SH3BGRL2: variants seen among roughly 807,000 people sequenced by gnomAD.
The protein encoded by SH3BGRL2 is SH3 domain binding glutamate rich protein like 2.
In SH3BGRL2, 21 loss-of-function variants were observed where a neutral mutation model predicts 14.8. The observed-to-expected ratio is 1.42, with a 90% CI of 1.01 to 2.05. The LOEUF is 2.05. Among genes scored for constraint, SH3BGRL2 ranks in the 30% most tolerant of loss-of-function variants. The pLI, the probability that SH3BGRL2 is intolerant of heterozygous loss-of-function variation, is 0.00. For missense variants in SH3BGRL2, 147 were observed against 130.8 expected (o/e 1.12, Z -0.61); for synonymous variants, 50 against 47.8 (o/e 1.05, Z -0.19).
At chr6:79,579,922 A>G in the SH3BGRL2 span, among the ~76,000 whole-genome samples, 435 of 152,356 alleles carry the variant, frequency 2.9e-3, 2 homozygotes, top group African/African-American at 9.6e-3. Context: ...GCAGAGACAC[A>G]TGTAAGCTCA....
chr6:79,596,911 C>T, the SH3BGRL2 span, among the ~76,000 whole-genome samples: 3 of 152,074 alleles, frequency 2.0e-5, no homozygotes, highest in East Asian at 5.8e-4. Context: ...CTGCAGTAGT[C>T]AAAACAGTTT....
the SH3BGRL2 span, among the ~76,000 whole-genome samples, chr6:79,566,394 AT>A: frequency 4.4e-3 from 668 of 152,242 alleles, 9 homozygotes; most frequent in African/African-American, 0.015. Context: ...CCCCACTATG[AT>A]TTTAGCTTTT....
intron 1 of SH3BGRL2, among the ~76,000 whole-genome samples, chr6:79,666,094 G>A (rs189027478): frequency 1.3e-5 from 2 of 152,264 alleles, no homozygotes; most frequent in African/African-American, 2.4e-5. Context: ...GTGTTCATTT[G>A]CAAGTAACAG....
chr6:79,623,293 C>A, the SH3BGRL2 span, among the ~76,000 whole-genome samples: 8 of 106,130 alleles, frequency 7.5e-5, no homozygotes, highest in African/African-American at 3.0e-4. Flanking sequence ...TACAGTGAGA[C>A]TCTGCCTCAA....
chr6:79,642,199 T>C (rs1360086746), intron 1 of SH3BGRL2, among the ~76,000 whole-genome samples: 1 of 152,202 alleles, frequency 6.6e-6, no homozygotes, highest in East Asian at 1.9e-4. Flanking sequence ...GTACTGAACA[T>C]GTACAGACTT....
chr6:79,621,190 T>C, the SH3BGRL2 span, among the ~76,000 whole-genome samples: 1 of 152,208 alleles, frequency 6.6e-6, no homozygotes, highest in African/African-American at 2.4e-5. Context: ...TTTATCACTA[T>C]CTCAATTTTG....
chr6:79,673,209 A>G (rs997587749), intron 1 of SH3BGRL2, among the ~76,000 whole-genome samples: 3 of 152,014 alleles, frequency 2.0e-5, no homozygotes, highest in African/African-American at 7.2e-5. Context: ...GCACTCTGTC[A>G]TCTCATAGTC....
chr6:79,548,666 G>A, the SH3BGRL2 span, among the ~76,000 whole-genome samples: 2 of 152,022 alleles, frequency 1.3e-5, no homozygotes, highest in Non-Finnish European at 2.9e-5. Context: ...CCTAGAACAG[G>A]GCCCAACGCT....
chr6:79,596,534 A>G, the SH3BGRL2 span, among the ~76,000 whole-genome samples: 4 of 152,284 alleles, frequency 2.6e-5, no homozygotes, highest in South Asian at 2.1e-4. Context: ...GGCTCAAGCA[A>G]TCCTCCCACC....
chr6:79,679,210 T>G (rs545096090), intron 2 of SH3BGRL2, among the ~76,000 whole-genome samples: 1 of 152,278 alleles, frequency 6.6e-6, no homozygotes, highest in East Asian at 1.9e-4. Context: ...CTTTCCACAG[T>G]GGCTGAACTA....
At position 79,676,561 on chromosome 6, in the gene SH3BGRL2, G is replaced by C. The variant is rs370635611; in HGVS notation, c.231+2762G>C. Among the ~76,000 whole-genome samples, 6 of 150,308 alleles carry C rather than the reference G, an allele frequency of 4.0e-5. 1 individual carries two copies. The highest frequency in any genetic ancestry group is 1.3e-4 in the Admixed American group (2 of 15,030). ...CTTCCCACTTACTGCTTATATTGTG[G>C]TTTAGGCCTTTAGATTGAATCTCCT... On this transcript the variant is annotated intron_variant, in intron 2 of 3. Transcript: ENST00000369838.
At chr6:79,647,016 C>T (rs374246661) in intron 1 of SH3BGRL2, among the ~76,000 whole-genome samples, 4 of 152,120 alleles carry the variant, frequency 2.6e-5, no homozygotes, top group South Asian at 2.1e-4. Flanking sequence ...TATAAGTTTT[C>T]GTATGAACGT....
chr6:79,644,205 G>A (rs1464993615), intron 1 of SH3BGRL2, among the ~76,000 whole-genome samples: 1 of 152,158 alleles, frequency 6.6e-6, no homozygotes, highest in Non-Finnish European at 1.5e-5. Flanking sequence ...TCTGCACAAA[G>A]GTGTTCTTGT....
chr6:79,643,119 T>C (rs1769063108), intron 1 of SH3BGRL2, among the ~76,000 whole-genome samples: 1 of 152,212 alleles, frequency 6.6e-6, no homozygotes, highest in Admixed American at 6.5e-5. Flanking sequence ...TCATTTCATC[T>C]TTACAATTGT....
chr6:79,641,600 A>G (rs1361155743), intron 1 of SH3BGRL2, among the ~76,000 whole-genome samples: 6 of 152,196 alleles, frequency 3.9e-5, no homozygotes, highest in Admixed American at 2.6e-4. Flanking sequence ...TAGGAATGGT[A>G]TTTTATGCAT....
the SH3BGRL2 span, among the ~76,000 whole-genome samples, chr6:79,573,125 G>A: frequency 1.3e-5 from 2 of 152,094 alleles, no homozygotes; most frequent in Non-Finnish European, 2.9e-5. Context: ...AAAGTTTGAA[G>A]ATTTTACTTT....
At chr6:79,634,876 T>C (rs764910819) in intron 1 of SH3BGRL2, among the ~76,000 whole-genome samples, 1 of 152,166 alleles carries the variant, frequency 6.6e-6, no homozygotes, top group Non-Finnish European at 1.5e-5. Context: ...TGTGACAGCC[T>C]TAGGCAGATG....
rs1237024324 is a variant in SH3BGRL2, at chr6:79,653,799, T to C, written c.46-19815T>C. On this transcript the variant is annotated intron_variant, in intron 1 of 3. Coordinates refer to ENST00000369838, the MANE Select transcript of SH3BGRL2 (RefSeq NM_031469.4). ...CCCCAGAGATGGCAGCAGCAGGTTT[T>C]GGGGTGGAGAATGGTCTGGCTGTTG... is the stretch of plus-strand genomic sequence containing the variant. Among the ~76,000 whole-genome samples, 3 of 152,158 alleles carry C rather than the reference T, an allele frequency of 2.0e-5. No individual in the cohort carries two copies. The East Asian group carries it at 5.8e-4, about 29-fold the overall frequency.
intron 2 of SH3BGRL2, among the ~76,000 whole-genome samples, chr6:79,689,620 C>T (rs1197951230): frequency 6.6e-6 from 1 of 151,766 alleles, no homozygotes. Context: ...GTGGTACAAT[C>T]TCAAAATTTT....
Sources: allele counts gnomAD v4.1 joint callset (sites outside exome capture counted in the v4.1 genomes callset), GRCh38; gene constraint gnomAD v4.1.1; transcripts MANE v1.5; gene names NCBI Gene and HGNC (gene_info 2026-07-23, HGNC 2026-07-21).